LRFN2: variants seen among roughly 807,000 people sequenced by gnomAD.
The protein encoded by LRFN2 is leucine rich repeat and fibronectin type III domain containing 2.
A neutral mutation model predicts 37.3 loss-of-function variants in LRFN2; 18 were observed. The observed-to-expected ratio is 0.48, with a 90% CI of 0.33 to 0.72. The LOEUF is 0.72. Ranked by LOEUF, LRFN2 falls within the 30% of genes least tolerant of loss-of-function variation. The pLI is 0.02. For missense variants in LRFN2, 1,006 were observed against 1,060.7 expected, an observed-to-expected ratio of 0.95 and a Z score of 0.72; for synonymous variants, 556 against 466.6, an observed-to-expected ratio of 1.19 and a Z score of -2.47.
At chr6:40,530,344 T>C (rs1488651989) in intron 1 of LRFN2, among the ~76,000 whole-genome samples, 1 of 152,090 alleles carries the variant, frequency 6.6e-6, no homozygotes, top group Admixed American at 6.5e-5. Flanking sequence ...GTTCCAGAAA[T>C]GAACAAGGGC....
At chr6:40,428,014 G>A (rs1421253198) in intron 2 of LRFN2, among the ~76,000 whole-genome samples, 1 of 152,168 alleles carries the variant, frequency 6.6e-6, no homozygotes, top group African/African-American at 2.4e-5. Flanking sequence ...TTCCATCTCT[G>A]CTACTTACCC....
At chr6:40,568,625 T>A (rs991112645) in intron 1 of LRFN2, among the ~76,000 whole-genome samples, 1 of 152,212 alleles carries the variant, frequency 6.6e-6, no homozygotes, top group Non-Finnish European at 1.5e-5. Flanking sequence ...CTGAGTCAGA[T>A]GGCCAATTCA....
chr6:40,487,474 A>G (rs1764989833), intron 1 of LRFN2, among the ~76,000 whole-genome samples: 1 of 152,154 alleles, frequency 6.6e-6, no homozygotes, highest in Non-Finnish European at 1.5e-5. Flanking sequence ...AGCCTTCCTC[A>G]TCTCACTAAA....
intron 1 of LRFN2, among the ~76,000 whole-genome samples, chr6:40,448,607 A>C (rs1361211323): frequency 6.6e-6 from 1 of 152,252 alleles, no homozygotes; most frequent in African/African-American, 2.4e-5. Flanking sequence ...GATTATCTTA[A>C]ATGAGAATTC....
chr6:40,459,495 T>C (rs1764302053), intron 1 of LRFN2, among the ~76,000 whole-genome samples: 1 of 152,192 alleles, frequency 6.6e-6, no homozygotes. Context: ...AGACAAAACA[T>C]GTGTGTTTTG....
At chr6:40,426,649 A>G (rs1763359715) in intron 2 of LRFN2, among the ~76,000 whole-genome samples, 3 of 152,060 alleles carry the variant, frequency 2.0e-5, no homozygotes, top group Non-Finnish European at 4.4e-5. Flanking sequence ...ATGTGTCTAT[A>G]TGTGTGCGTG....
chr6:40,394,590 G>A (rs1762576213), intron 2 of LRFN2, among the ~76,000 whole-genome samples: 1 of 152,118 alleles, frequency 6.6e-6, no homozygotes, highest in South Asian at 2.1e-4. Flanking sequence ...CTCCTCACCT[G>A]CCCACCTGCT....
intron 1 of LRFN2, among the ~76,000 whole-genome samples, chr6:40,458,652 C>A (rs1056326458): frequency 6.6e-6 from 1 of 152,230 alleles, no homozygotes; most frequent in Non-Finnish European, 1.5e-5. Flanking sequence ...ACCAGACTCT[C>A]CTAGAATGGC....
chr6:40,507,924 A>G (rs2113882527), intron 1 of LRFN2, among the ~76,000 whole-genome samples: 1 of 152,334 alleles, frequency 6.6e-6, no homozygotes, highest in Admixed American at 6.5e-5. Flanking sequence ...TGTGCCTTTT[A>G]TGACATTGTA....
intron 1 of LRFN2, among the ~76,000 whole-genome samples, chr6:40,506,348 C>T (rs551610114): frequency 6.6e-6 from 1 of 152,268 alleles, no homozygotes; most frequent in Non-Finnish European, 1.5e-5. Flanking sequence ...GAACTGAAAG[C>T]AGAGTTCTGA....
At chr6:40,572,881 C>G (rs975268720) in intron 1 of LRFN2, among the ~76,000 whole-genome samples, 2 of 152,130 alleles carry the variant, frequency 1.3e-5, no homozygotes, top group Non-Finnish European at 2.9e-5. Context: ...GCCTCCTCTA[C>G]CTGCTGGGGG....
intron 2 of LRFN2, among the ~76,000 whole-genome samples, chr6:40,428,464 T>C (rs1185861838): frequency 6.6e-6 from 1 of 152,214 alleles, no homozygotes; most frequent in Admixed American, 6.5e-5. Context: ...CTGTGCCCAC[T>C]GGTGTCCATG....
At chr6:40,440,713 T>G (rs1384190426) in intron 1 of LRFN2, among the ~76,000 whole-genome samples, 1 of 152,082 alleles carries the variant, frequency 6.6e-6, no homozygotes, top group African/African-American at 2.4e-5. Flanking sequence ...ACCTCCTGGG[T>G]GGGATAACTC....
rs1387751774 is a variant in LRFN2, at chr6:40,432,546, C to T, written c.568G>A (p.Glu190Lys). 9.3e-6 allele frequency: 15 copies of T among 1,614,188 alleles called. No homozygotes were observed. Among genetic ancestry groups the T allele is most frequent in the Admixed American group, 1.7e-5 (1 of 60,032 alleles). The change falls in exon 2 of 3, where the codon GAG (glutamate) becomes AAG (lysine). Residue 190 changes from glutamate (E) to lysine (K), a missense_variant. By Grantham distance (56) the Glu-to-Lys change is moderately conservative. Coordinates refer to ENST00000338305, the MANE Select transcript of LRFN2 (RefSeq NM_020737.3). ...LDHNLLDHIA[E>K]GTFADLQKLA... ...TTCTGCAGGTCTGCAAAGGTGCCCT[C>T]GGCGATGTGATCCAGCAGGTTGTGG...
intron 1 of LRFN2, among the ~76,000 whole-genome samples, chr6:40,578,591 G>C (rs1561914491): frequency 6.6e-6 from 1 of 152,156 alleles, no homozygotes; most frequent in Non-Finnish European, 1.5e-5. Flanking sequence ...TGTTAGAAAG[G>C]AGTATCAGTT....
At chr6:40,581,408 G>A (rs1767399092) in intron 1 of LRFN2, among the ~76,000 whole-genome samples, 1 of 152,126 alleles carries the variant, frequency 6.6e-6, no homozygotes, top group Admixed American at 6.6e-5. Flanking sequence ...CAAGTTACGG[G>A]CAGAGCTAAA....
chr6:40,392,726 A>G lies in LRFN2; in HGVS notation c.1587T>C (p.Ile529=), dbSNP rs3734557. 964,542 of 1,613,744 alleles carry G rather than the reference A, an allele frequency of 0.6. 291,976 individuals are homozygous for G. The highest frequency in any genetic ancestry group is 0.72 in the South Asian group (66,003 of 91,078). ...YPQCQSMHSQ[I]LGGTMILVIG... ...TGACCAGGATCATGGTGCCGCCCAG[A>G]ATCTGGCTGTGCATGGACTGGCACT... The change falls in exon 3 of 3, where the codon ATT becomes ATC. Residue 529 remains isoleucine (I), a synonymous_variant. Coordinates refer to ENST00000338305, the MANE Select transcript of LRFN2 (RefSeq NM_020737.3). The surrounding 1 kb of genome is among the most constrained non-coding windows in gnomAD (Gnocchi z 4.7).
intron 1 of LRFN2, among the ~76,000 whole-genome samples, chr6:40,507,504 T>A (rs1049843255): frequency 6.6e-6 from 1 of 152,162 alleles, no homozygotes; most frequent in Non-Finnish European, 1.5e-5. Context: ...AAGTGGGACA[T>A]GGGAGTGCGG....
chr6:40,398,267 A>G (rs566774991), intron 2 of LRFN2, among the ~76,000 whole-genome samples: 77 of 152,008 alleles, frequency 5.1e-4, no homozygotes, highest in Non-Finnish European at 1.0e-3. Context: ...GCATTGCCCA[A>G]TGTCCTCTGG....
Sources: gnomAD v4.1 joint callset for allele counts (sites outside exome capture counted in the v4.1 genomes callset) on GRCh38, gnomAD v4.1.1 for gene constraint, Gnocchi (gnomAD v3.1) non-coding constraint, MANE v1.5 for transcripts, NCBI Gene and HGNC (gene_info 2026-07-23, HGNC 2026-07-21) for gene names.